ZNF704: variants seen among roughly 807,000 people sequenced by gnomAD.
ZNF704 encodes the protein zinc finger protein 704.
Under a neutral mutation model 44.7 loss-of-function variants are expected in ZNF704, and 10 were observed. The ratio of observed to expected loss-of-function variants is 0.22; its 90% confidence interval spans 0.14 to 0.38. The LOEUF is 0.38. Among genes scored for constraint, ZNF704 ranks in the 10% least tolerant of loss-of-function variants. ZNF704 has a pLI of 1.00. For synonymous variants in ZNF704, 211 were observed against 207.6 expected (o/e 1.02, Z -0.14); for missense variants, 390 against 545.5 (o/e 0.71, Z 2.84).
At chr8:80,701,670 T>G (rs368434415) in intron 2 of ZNF704, among the ~76,000 whole-genome samples, 2 of 152,122 alleles carry the variant, frequency 1.3e-5, no homozygotes, top group African/African-American at 4.8e-5. Context: ...GTCCAGTGAT[T>G]ACAGATACAA....
At chr8:80,643,825 G>T (rs1225848954) in intron 7 of ZNF704, among the ~76,000 whole-genome samples, 1 of 152,094 alleles carries the variant, frequency 6.6e-6, no homozygotes, top group Non-Finnish European at 1.5e-5. Flanking sequence ...CCTTTTTAGA[G>T]GATGAAACAT....
At chr8:80,772,407 G>T (rs1281639119) in intron 2 of ZNF704, among the ~76,000 whole-genome samples, 4 of 152,266 alleles carry the variant, frequency 2.6e-5, no homozygotes, top group African/African-American at 9.6e-5. Flanking sequence ...TCACGGTTCT[G>T]CAGGCTTACA....
At chr8:80,645,236 C>T (rs1817810278) in intron 7 of ZNF704, 2 of 1,483,592 alleles carry the variant, frequency 1.3e-6, no homozygotes, top group Non-Finnish European at 1.8e-6. Context: ...AATGTTTCAA[C>T]TAATTAATCA....
At chr8:80,851,943 C>T (rs1300851654) in intron 1 of ZNF704, among the ~76,000 whole-genome samples, 1 of 152,040 alleles carries the variant, frequency 6.6e-6, no homozygotes, top group Non-Finnish European at 1.5e-5. Flanking sequence ...GGCATGACCT[C>T]TCGGGACTCC....
At chr8:80,692,939 C>A in intron 3 of ZNF704, 65 bp downstream of exon 3, 4 of 1,428,380 alleles carry the variant, frequency 2.8e-6, no homozygotes, top group Non-Finnish European at 3.9e-6. Context: ...AATGAGACAT[C>A]TCAAAGAAAG....
intron 2 of ZNF704, among the ~76,000 whole-genome samples, chr8:80,808,932 A>G (rs989546282): frequency 6.6e-6 from 1 of 152,236 alleles, no homozygotes; most frequent in Non-Finnish European, 1.5e-5. Context: ...GTCATTAACG[A>G]TTAGGGTTAT....
At chr8:80,782,363 C>T (rs181680666) in intron 2 of ZNF704, among the ~76,000 whole-genome samples, 45 of 152,294 alleles carry the variant, frequency 3.0e-4, no homozygotes, top group Middle Eastern at 3.4e-3. Flanking sequence ...GGAGGAGAGA[C>T]GGCTTTACAA....
At chr8:80,693,993 G>C (rs1818684346) in intron 2 of ZNF704, among the ~76,000 whole-genome samples, 1 of 152,134 alleles carries the variant, frequency 6.6e-6, no homozygotes, top group East Asian at 1.9e-4. Flanking sequence ...GGACTAGGGT[G>C]GGGACAGTGG....
At chr8:80,853,895 A>AAT (rs1808914572) in intron 1 of ZNF704, among the ~76,000 whole-genome samples, 1 of 152,214 alleles carries the variant, frequency 6.6e-6, no homozygotes, top group Non-Finnish European at 1.5e-5. Context: ...GTGTGTCACG[A>AAT]GGTTAACGGG....
intron 2 of ZNF704, among the ~76,000 whole-genome samples, chr8:80,736,973 T>C (rs1228639286): frequency 6.6e-6 from 1 of 151,814 alleles, no homozygotes; most frequent in African/African-American, 2.4e-5. Flanking sequence ...GATTCTCATA[T>C]CCAGCCAGGG....
At chr8:80,801,178 A>G (rs1477193460) in intron 2 of ZNF704, among the ~76,000 whole-genome samples, 1 of 152,208 alleles carries the variant, frequency 6.6e-6, no homozygotes, top group Non-Finnish European at 1.5e-5. Context: ...GCAAGTTCTT[A>G]GAGACCTACA....
intron 2 of ZNF704, among the ~76,000 whole-genome samples, chr8:80,735,024 G>C (rs1033762361): frequency 9.9e-5 from 15 of 152,068 alleles, no homozygotes; most frequent in Non-Finnish European, 1.9e-4. Flanking sequence ...ATTTCAATTT[G>C]CTCAGGAACT....
intron 2 of ZNF704, among the ~76,000 whole-genome samples, chr8:80,699,852 G>A (rs1036632480): frequency 1.3e-5 from 2 of 152,074 alleles, no homozygotes; most frequent in South Asian, 2.1e-4. Context: ...CTGCCCACTG[G>A]ACCCTATGTT....
chr8:80,729,835 T>C (rs944699384), intron 2 of ZNF704, among the ~76,000 whole-genome samples: 4 of 152,150 alleles, frequency 2.6e-5, no homozygotes, highest in Non-Finnish European at 5.9e-5. Context: ...CAGGGCTGAA[T>C]AGGTATAACG....
At chr8:80,767,060 G>A (rs1182954338) in intron 2 of ZNF704, among the ~76,000 whole-genome samples, 1 of 152,072 alleles carries the variant, frequency 6.6e-6, no homozygotes, top group Non-Finnish European at 1.5e-5. Flanking sequence ...CAGAGGTTAA[G>A]CTACTTTCCA....
chr8:80,792,029 C>T (rs1014255833), intron 2 of ZNF704, among the ~76,000 whole-genome samples: 2 of 152,082 alleles, frequency 1.3e-5, no homozygotes, highest in Non-Finnish European at 2.9e-5. Context: ...AATAGAAGAC[C>T]AAAGGCACAG....
chr8:80,800,110 A>T (rs112655681), intron 2 of ZNF704, among the ~76,000 whole-genome samples: 1,771 of 152,338 alleles, frequency 0.012, 16 homozygotes, highest in Middle Eastern at 0.02. Context: ...CAGGCAGACA[A>T]GAACAGAGAA....
At chr8:80,782,935 AT>A (rs1384084319) in intron 2 of ZNF704, among the ~76,000 whole-genome samples, 1 of 152,158 alleles carries the variant, frequency 6.6e-6, no homozygotes, top group East Asian at 1.9e-4. Context: ...GACTGCACTT[AT>A]TGAAAAAAAT....
At chr8:80,752,686 C>T (rs776726369) in intron 2 of ZNF704, among the ~76,000 whole-genome samples, 1 of 152,124 alleles carries the variant, frequency 6.6e-6, no homozygotes, top group African/African-American at 2.4e-5. Flanking sequence ...GGATTACAGG[C>T]CTGTGCCACC....
Sources: allele counts gnomAD v4.1 joint callset (sites outside exome capture counted in the v4.1 genomes callset), GRCh38; gene constraint gnomAD v4.1.1; transcripts MANE v1.5; gene names NCBI Gene and HGNC (gene_info 2026-07-23, HGNC 2026-07-21).